The following GTPBP1 variants were observed in gnomAD, a reference collection of about 807,000 sequenced individuals.
GTPBP1 encodes GTP binding protein 1.
A neutral mutation model predicts 62.0 loss-of-function variants in GTPBP1; 23 were observed. That is an observed-to-expected ratio of 0.37 (90% CI 0.27 to 0.53). GTPBP1 has a LOEUF of 0.53. Among genes scored for constraint, GTPBP1 ranks in the 20% least tolerant of loss-of-function variants. The pLI, the probability that GTPBP1 is intolerant of heterozygous loss-of-function variation, is 0.89. For synonymous variants in GTPBP1, 344 were observed against 364.4 expected (o/e 0.94, Z 0.64); for missense variants, 640 against 917.3 (o/e 0.70, Z 3.90).
intron 5 of GTPBP1, among the ~76,000 whole-genome samples, 163 bp from the exon 6 acceptor site, chr22:38,724,134 T>G (rs150841139): frequency 1.3e-5 from 2 of 152,082 alleles, no homozygotes; most frequent in Admixed American, 1.3e-4. Flanking sequence ...CCCAAAGTTT[T>G]GATCCTCCTT....
chr22:38,742,522 G>T (rs2145981762), downstream of GTPBP1: 1 of 1,613,106 alleles, frequency 6.2e-7, no homozygotes. Context: ...CGCCGCTCCA[G>T]AGAGTGTACC....
At position 38,726,994 on chromosome 22, in the gene GTPBP1, T is replaced by C. The variant is rs111469147; in HGVS notation, c.1402-219T>C. Among the ~76,000 whole-genome samples, 1,341 of 152,268 alleles carry C rather than the reference T, an allele frequency of 8.8e-3. 21 individuals are homozygous for C. The highest frequency in any genetic ancestry group is 0.031 in the African/African-American group (1,304 of 41,540). On this transcript the variant is annotated intron_variant, in intron 8 of 11. Coordinates refer to ENST00000216044, the MANE Select transcript of GTPBP1 (RefSeq NM_004286.5). The surrounding 1 kb of genome is among the most constrained non-coding windows in gnomAD (Gnocchi z 4.1). Reference sequence around the variant, plus strand: ...AGCAGCTGAAGTGCTGATTCCCGCATGAAGCCTTCCTGACCCCCAGTAGTA... The same window carrying C: ...AGCAGCTGAAGTGCTGATTCCCGCACGAAGCCTTCCTGACCCCCAGTAGTA...
At position 38,730,891 on chromosome 22, in the gene GTPBP1, C is replaced by T; in HGVS notation, c.*187C>T. 1.8e-6 allele frequency: 1 copy of T among 560,036 alleles called. No individual in the cohort carries two copies. Among genetic ancestry groups the T allele is most frequent in the Non-Finnish European group, 3.1e-6 (1 of 317,480 alleles). 34.7% of individuals were successfully genotyped at this position (560,036 alleles called of 1,614,324 possible). A position where few individuals can be genotyped will look rare whatever the true frequency, so the allele number is the denominator to read the frequency against. On this transcript the variant is annotated 3_prime_UTR_variant, in exon 12 of 12. Transcript: ENST00000216044. This position sits in a 1 kb window ranked among gnomAD's most constrained non-coding sequence, Gnocchi z 5.6. The stretch of plus-strand genomic sequence containing the variant: ...TTATAAGCTGACGAAGGTAGCCAGA[C>T]TTCCGGAGGACTGACCATCTCTCAC...
chr22:38,723,945 T>C (rs955523148), intron 5 of GTPBP1, among the ~76,000 whole-genome samples: 3 of 152,192 alleles, frequency 2.0e-5, no homozygotes, highest in Admixed American at 6.5e-5. Context: ...GATGAGATTT[T>C]TTTCCAGGAA....
chr22:38,723,427 G>T, intron 5 of GTPBP1: 2 of 1,082,268 alleles, frequency 1.8e-6, no homozygotes, highest in Non-Finnish European at 2.8e-6. Context: ...GGGCTGCAGT[G>T]GCAGAAATGC....
intron 2 of GTPBP1, among the ~76,000 whole-genome samples, chr22:38,715,503 G>A (rs974799342): frequency 2.6e-5 from 4 of 152,160 alleles, no homozygotes; most frequent in Admixed American, 2.6e-4. Context: ...GGCTTCCCCA[G>A]GCAGTGCTTT....
intron 1 of GTPBP1, among the ~76,000 whole-genome samples, chr22:38,708,198 A>G (rs1342755220): frequency 6.6e-6 from 1 of 152,198 alleles, no homozygotes; most frequent in Non-Finnish European, 1.5e-5. Flanking sequence ...GTGGTTAGAG[A>G]ATGGGGTCTG....
chr22:38,738,831 G>A (rs1240389422), downstream of GTPBP1: 4 of 1,595,946 alleles, frequency 2.5e-6, no homozygotes, highest in Non-Finnish European at 3.4e-6. This position sits in a 1 kb window ranked among gnomAD's most constrained non-coding sequence, Gnocchi z 6.6. Context: ...CCAGCCCTCA[G>A]TGTGCTCAGA....
rs527453411 is a variant in GTPBP1, at chr22:38,726,528, A to G, written c.1401+88A>G. On this transcript the variant is annotated intron_variant, in intron 8 of 11. Transcript: ENST00000216044. The surrounding 1 kb of genome is among the most constrained non-coding windows in gnomAD (Gnocchi z 4.1). ...GCCCTGCTCACCCACTCTAGTCCTC[A>G]TGGCTGCTCTGCAAGGTCGGGATTA... 204 of 1,130,772 alleles carry G rather than the reference A, an allele frequency of 1.8e-4. No homozygotes were observed. The highest frequency in any genetic ancestry group is 2.5e-4 in the Non-Finnish European group (192 of 766,370). The allele number at this position is 1,130,772 out of a possible 1,614,324, so 70.0% of individuals were successfully genotyped here.
At position 38,706,165 on chromosome 22, in the gene GTPBP1, C is replaced by A; in HGVS notation, c.192+18C>A. ...CCAGCAAGGTAGGCCCGGGCGGCGG[C>A]GGCGGGCGCTGAGGGGAGCGGGCGG... On this transcript the variant is annotated intron_variant, in intron 1 of 11. Transcript: ENST00000216044. The A allele has an allele frequency of 8.1e-7, 1 of 1,230,922 alleles. No individual in the cohort carries two copies. Among genetic ancestry groups the A allele is most frequent in the Non-Finnish European group, 1.0e-6 (1 of 985,748 alleles). 76.2% of individuals were successfully genotyped at this position (1,230,922 alleles called of 1,614,324 possible). A position where few individuals can be genotyped will look rare whatever the true frequency, so the allele number is the denominator to read the frequency against.
At chr22:38,740,368 C>A, downstream of GTPBP1, 1 of 1,577,594 alleles carries the variant, frequency 6.3e-7, no homozygotes, top group South Asian at 1.2e-5. The surrounding 1 kb of genome is among the most constrained non-coding windows in gnomAD (Gnocchi z 4.8). Flanking sequence ...TGCAGGCCGG[C>A]CAGCTGGTCC....
chr22:38,740,214 C>T (rs1011658056), downstream of GTPBP1: 39 of 1,481,994 alleles, frequency 2.6e-5, no homozygotes, highest in Admixed American at 2.1e-4. The surrounding 1 kb of genome is among the most constrained non-coding windows in gnomAD (Gnocchi z 4.8). Context: ...CAGGACACGT[C>T]GTCTCAAAGG....
At chr22:38,728,218 CTG>C in intron 10 of GTPBP1, 57 bp downstream of exon 10, 1 of 1,252,984 alleles carries the variant, frequency 8.0e-7, no homozygotes, top group Non-Finnish European at 1.2e-6. Flanking sequence ...CACTCCTGTT[CTG>C]TGACCCTGAG....
Position 38,706,166 on chromosome 22 carries a change from G to A in GTPBP1, c.192+19G>A. The A allele has an allele frequency of 8.1e-7, 1 of 1,231,258 alleles. No homozygotes were observed. The highest frequency in any genetic ancestry group is 3.7e-5 in the South Asian group (1 of 27,384). The allele number at this position is 1,231,258 out of a possible 1,614,324, so 76.3% of individuals were successfully genotyped here. A position where few individuals can be genotyped will look rare whatever the true frequency, so the allele number is the denominator to read the frequency against. On this transcript the variant is annotated intron_variant, in intron 1 of 11. Coordinates refer to ENST00000216044, the MANE Select transcript of GTPBP1 (RefSeq NM_004286.5). Reference sequence around the variant, plus strand: ...CAGCAAGGTAGGCCCGGGCGGCGGCGGCGGGCGCTGAGGGGAGCGGGCGGC... The same window carrying A: ...CAGCAAGGTAGGCCCGGGCGGCGGCAGCGGGCGCTGAGGGGAGCGGGCGGC...
At chr22:38,723,378 T>G (rs905403383) in intron 5 of GTPBP1, 2 of 867,042 alleles carry the variant, frequency 2.3e-6, no homozygotes. Flanking sequence ...GACCATAATA[T>G]GTTTGTCAAG....
At chr22:38,738,181 G>A (rs771616583), downstream of GTPBP1, 4 of 1,613,954 alleles carry the variant, frequency 2.5e-6, no homozygotes, top group Non-Finnish European at 2.5e-6. The surrounding 1 kb of genome is among the most constrained non-coding windows in gnomAD (Gnocchi z 6.6). Context: ...ACCTGAAAGT[G>A]AAACGTCTGA....
downstream of GTPBP1, chr22:38,742,764 C>T (rs553766725): frequency 2.2e-5 from 13 of 600,772 alleles, no homozygotes; most frequent in African/African-American, 5.6e-5. Flanking sequence ...CACTGGGTGC[C>T]GGCCACAGAG....
intron 4 of GTPBP1, among the ~76,000 whole-genome samples, chr22:38,718,214 T>C (rs758957996): frequency 7.9e-5 from 12 of 152,164 alleles, no homozygotes; most frequent in Non-Finnish European, 1.8e-4. Flanking sequence ...GGGATCTTAG[T>C]GGAAGATCCA....
Position 38,726,572 on chromosome 22 carries a change from A to G in GTPBP1, c.1401+132A>G, listed in dbSNP as rs2092727975. 2 of 755,914 alleles carry G rather than the reference A, an allele frequency of 2.6e-6. No homozygotes were observed. The highest frequency in any genetic ancestry group is 5.0e-5 in the Admixed American group (2 of 40,092). The allele number at this position is 755,914 out of a possible 1,614,324, so 46.8% of individuals were successfully genotyped here. On this transcript the variant is annotated intron_variant, in intron 8 of 11. Transcript: ENST00000216044. This position sits in a 1 kb window ranked among gnomAD's most constrained non-coding sequence, Gnocchi z 4.1. ...GGGATTACTGGCTTCATTTTTACAGATGAGGAAACTGAGGCTCAGAGCCCA... is the reference window on the plus strand; with the variant it reads ...GGGATTACTGGCTTCATTTTTACAGGTGAGGAAACTGAGGCTCAGAGCCCA...
Sources: gnomAD v4.1 joint callset for allele counts (sites outside exome capture counted in the v4.1 genomes callset) on GRCh38, gnomAD v4.1.1 for gene constraint, Gnocchi (gnomAD v3.1) non-coding constraint, MANE v1.5 for transcripts, NCBI Gene and HGNC (gene_info 2026-07-23, HGNC 2026-07-21) for gene names.